CTNNA2: variants seen among roughly 807,000 people sequenced by gnomAD.
CTNNA2 encodes the protein catenin alpha 2.
A neutral mutation model predicts 101.0 loss-of-function variants in CTNNA2; 42 were observed. The observed-to-expected ratio is 0.42, with a 90% CI of 0.32 to 0.54. The LOEUF (loss-of-function observed/expected upper bound fraction) is 0.54, where lower values mean the gene tolerates loss of function less well. CTNNA2 is among the 20% of genes least tolerant of loss of function. The pLI is 0.14. For synonymous variants in CTNNA2, 450 were observed against 456.4 expected, an observed-to-expected ratio of 0.99 and a Z score of 0.18; for missense variants, 871 against 1,223.1, an observed-to-expected ratio of 0.71 and a Z score of 4.29.
chr2:80,238,211 A>G (rs575341646), intron 7 of CTNNA2, among the ~76,000 whole-genome samples: 1 of 152,134 alleles, frequency 6.6e-6, no homozygotes, highest in East Asian at 1.9e-4. Context: ...GACTTTACTC[A>G]AGATCATTTG....
intron 6 of CTNNA2, among the ~76,000 whole-genome samples, chr2:79,903,328 G>A (rs1311357093): frequency 6.6e-6 from 1 of 151,862 alleles, no homozygotes; most frequent in African/African-American, 2.4e-5. Context: ...AAGGCTTGAT[G>A]CTGTCCTGCC....
At chr2:80,441,608 G>T (rs574664449) in intron 9 of CTNNA2, among the ~76,000 whole-genome samples, 1 of 152,076 alleles carries the variant, frequency 6.6e-6, no homozygotes, top group African/African-American at 2.4e-5. Flanking sequence ...TTTGATCTCC[G>T]TGACTTCTGT....
intron 7 of CTNNA2, among the ~76,000 whole-genome samples, chr2:80,352,925 A>G (rs1016071709): frequency 1.3e-5 from 2 of 152,128 alleles, no homozygotes. Context: ...TTTAAAAAAA[A>G]AAAATAAAGA....
chr2:79,437,479 TCTCA>T (rs1291898243), intron 4 of CTNNA2, among the ~76,000 whole-genome samples: 2 of 148,032 alleles, frequency 1.4e-5, no homozygotes, highest in African/African-American at 2.7e-5. Flanking sequence ...AGCCACAGTC[TCTCA>T]CTCCAGTCCA....
chr2:80,433,497 G>A (rs1681737990), intron 9 of CTNNA2, among the ~76,000 whole-genome samples: 1 of 152,056 alleles, frequency 6.6e-6, no homozygotes, highest in South Asian at 2.1e-4. Flanking sequence ...CAGGAGGAGA[G>A]ATTCAGGCTG....
chr2:80,175,878 C>T (rs763970139), intron 7 of CTNNA2, among the ~76,000 whole-genome samples: 3 of 152,148 alleles, frequency 2.0e-5, no homozygotes, highest in Non-Finnish European at 2.9e-5. Context: ...GTTCAATGTT[C>T]GAGGGCAGGA....
At chr2:80,186,663 C>G (rs1706149501) in intron 7 of CTNNA2, among the ~76,000 whole-genome samples, 1 of 152,170 alleles carries the variant, frequency 6.6e-6, no homozygotes, top group Non-Finnish European at 1.5e-5. Flanking sequence ...AGTGGGGAGG[C>G]CTGGAGAGAA....
intron 4 of CTNNA2, among the ~76,000 whole-genome samples, chr2:79,501,890 C>CGACCCT (rs1157116661): frequency 6.6e-6 from 1 of 151,498 alleles, no homozygotes; most frequent in East Asian, 1.9e-4. Context: ...GTGAATCCGA[C>CGACCCT]GACCCTGAAC....
intron 6 of CTNNA2, among the ~76,000 whole-genome samples, chr2:79,894,468 C>A (rs1473005389): frequency 6.6e-6 from 1 of 152,238 alleles, no homozygotes; most frequent in Admixed American, 6.5e-5. Flanking sequence ...AGTACCAAAT[C>A]GTTTCCGTAG....
chr2:79,235,053 A>G (rs1266168257), intron 2 of CTNNA2, among the ~76,000 whole-genome samples: 1 of 152,042 alleles, frequency 6.6e-6, no homozygotes, highest in Non-Finnish European at 1.5e-5. Flanking sequence ...GCTAATTATC[A>G]TTTCTGAGGG....
chr2:80,095,386 G>A lies in CTNNA2; in HGVS notation c.1056+185589G>A, dbSNP rs1346207363. Among the ~76,000 whole-genome samples the A allele has an allele frequency of 2.6e-5, 4 of 152,298 alleles. No individual in the cohort carries two copies. In the East Asian group the frequency reaches 7.7e-4, roughly 29 times the overall value. ...TCATGGTGGATAAGCTTTTTGATGT[G>A]CTGCTGGATTCAGTTTGCCAGTATT... On this transcript the variant is annotated intron_variant, in intron 7 of 18. Coordinates refer to ENST00000402739, the MANE Select transcript of CTNNA2 (RefSeq NM_001282597.3).
chr2:79,562,112 T>G (rs1674818083), intron 1 of CTNNA2, among the ~76,000 whole-genome samples: 1 of 152,026 alleles, frequency 6.6e-6, no homozygotes, highest in Non-Finnish European at 1.5e-5. Flanking sequence ...TATAGATTTT[T>G]GATCAATTTT....
chr2:80,637,062 G>A (rs776151004), intron 18 of CTNNA2, among the ~76,000 whole-genome samples: 5 of 152,026 alleles, frequency 3.3e-5, no homozygotes, highest in Non-Finnish European at 7.4e-5. Context: ...TAAGAAGAGA[G>A]TTTAAAAAAA....
intron 3 of CTNNA2, among the ~76,000 whole-genome samples, chr2:79,820,282 T>G (rs1180708287): frequency 5.3e-5 from 8 of 152,212 alleles, no homozygotes; most frequent in African/African-American, 1.9e-4. Context: ...TCTGGAAAAT[T>G]TGGCTCATAC....
chr2:80,163,882 G>C (rs1354193704), intron 7 of CTNNA2, among the ~76,000 whole-genome samples: 7 of 151,612 alleles, frequency 4.6e-5, no homozygotes, highest in Middle Eastern at 3.4e-3. Context: ...TGATAGTTTT[G>C]TTTGCTCTGA....
intron 6 of CTNNA2, among the ~76,000 whole-genome samples, chr2:79,879,808 A>G (rs1452327564): frequency 6.6e-6 from 1 of 152,050 alleles, no homozygotes; most frequent in East Asian, 1.9e-4. Flanking sequence ...AATATGCTTT[A>G]TTTCTTTATC....
Position 79,389,084 on chromosome 2 carries a change from A to G in CTNNA2, c.-135+15071A>G, listed in dbSNP as rs182222177. On this transcript the variant is annotated intron_variant, in intron 4 of 21. Coordinates refer to the CTNNA2 transcript ENST00000466387. ...AGGTATTTACATAGACAGATATGTCATTAACACCATTATCTTTTAAAGAAG... is the reference window on the plus strand; with the variant it reads ...AGGTATTTACATAGACAGATATGTCGTTAACACCATTATCTTTTAAAGAAG... 1.8e-4 allele frequency among the ~76,000 whole-genome samples: 27 copies of G among 152,334 alleles called. No homozygotes were observed. The East Asian group carries it at 4.1e-3, about 23-fold the overall frequency.
intron 9 of CTNNA2, among the ~76,000 whole-genome samples, chr2:80,521,114 C>A (rs1689511613): frequency 6.6e-6 from 1 of 152,178 alleles, no homozygotes; most frequent in Non-Finnish European, 1.5e-5. Flanking sequence ...AGCCCTTGTG[C>A]TGGGGCCGCG....
chr2:80,447,240 AT>A (rs1436739233), intron 9 of CTNNA2, among the ~76,000 whole-genome samples: 3 of 152,074 alleles, frequency 2.0e-5, no homozygotes, highest in Non-Finnish European at 4.4e-5. Context: ...GCTGTAGTAC[AT>A]TTTTTTCCAA....
Sources: gnomAD v4.1 joint callset for allele counts (sites outside exome capture counted in the v4.1 genomes callset) on GRCh38, gnomAD v4.1.1 for gene constraint, MANE v1.5 for transcripts, NCBI Gene and HGNC (gene_info 2026-07-23, HGNC 2026-07-21) for gene names.